DARS1: variants seen among roughly 807,000 people sequenced by gnomAD.
DARS1 encodes aspartyl-tRNA synthetase 1.
Under a neutral mutation model 68.8 loss-of-function variants are expected in DARS1, and 51 were observed. The observed-to-expected ratio is 0.74, with a 90% CI of 0.59 to 0.94. The LOEUF is 0.94. DARS1 is among the 40% of genes least tolerant of loss of function. DARS1 has a pLI of 0.00. For synonymous variants in DARS1, 203 were observed against 190.4 expected (o/e 1.07, Z -0.55); for missense variants, 607 against 597.3 (o/e 1.02, Z -0.17).
At position 135,985,495 on chromosome 2, in the gene DARS1, C is replaced by A; in HGVS notation, c.-27G>T. 2 of 1,614,006 alleles carry A rather than the reference C, an allele frequency of 1.2e-6. No homozygotes were observed. The highest frequency in any genetic ancestry group is 1.7e-6 in the Non-Finnish European group (2 of 1,179,952). On this transcript the variant is annotated 5_prime_UTR_variant, in exon 1 of 16. Coordinates refer to ENST00000264161, the MANE Select transcript of DARS1 (RefSeq NM_001349.4). ...GGGACACGGAACTGGGCAGTGGACA[C>A]CACCCTCCCTCGCAGGCTTCCGTAA...
intron 5 of DARS1, among the ~76,000 whole-genome samples, chr2:135,939,925 C>A (rs566133496): frequency 5.9e-5 from 9 of 152,250 alleles, no homozygotes; most frequent in Admixed American, 3.3e-4. Flanking sequence ...GGATAAATTC[C>A]TGGACACATA....
chr2:135,968,219 A>G (rs1004062726), intron 3 of DARS1, among the ~76,000 whole-genome samples: 1 of 152,164 alleles, frequency 6.6e-6, no homozygotes, highest in East Asian at 1.9e-4. Flanking sequence ...AGTTGAGATC[A>G]TATCACTGCA....
intron 3 of DARS1, among the ~76,000 whole-genome samples, chr2:135,972,255 G>A (rs1682387389): frequency 6.6e-6 from 1 of 152,082 alleles, no homozygotes; most frequent in South Asian, 2.1e-4. Flanking sequence ...TGGAACAGAA[G>A]AGAGAATCCA....
intron 3 of DARS1, among the ~76,000 whole-genome samples, chr2:135,977,246 A>G (rs1682521368): frequency 1.3e-5 from 2 of 152,262 alleles, no homozygotes; most frequent in African/African-American, 2.4e-5. Flanking sequence ...TACTTGTTTT[A>G]AGAGAAGACA....
intron 4 of DARS1, among the ~76,000 whole-genome samples, chr2:135,946,458 C>CA (rs1162050353): frequency 1.3e-5 from 2 of 152,106 alleles, no homozygotes; most frequent in Admixed American, 1.3e-4. Context: ...TGGAAAAACT[C>CA]AAATTCATTC....
chr2:135,953,617 A>C (rs1338092040), intron 4 of DARS1, among the ~76,000 whole-genome samples: 1 of 152,202 alleles, frequency 6.6e-6, no homozygotes, highest in African/African-American at 2.4e-5. Flanking sequence ...TTTAACTATC[A>C]AAATTTTTCT....
intron 3 of DARS1, among the ~76,000 whole-genome samples, chr2:135,965,345 G>T (rs1682199938): frequency 6.6e-6 from 1 of 151,962 alleles, no homozygotes. Context: ...AATACATAAG[G>T]ATCTTAAAGA....
chr2:135,984,015 C>A (rs552888706), intron 1 of DARS1, among the ~76,000 whole-genome samples: 47 of 152,090 alleles, frequency 3.1e-4, no homozygotes, highest in Non-Finnish European at 5.7e-4. Context: ...TTCTAAAAAC[C>A]AGATTCAGGA....
chr2:135,961,604 C>T (rs1381087724), intron 3 of DARS1, 106 bp from the exon 4 acceptor site: 1 of 714,486 alleles, frequency 1.4e-6, no homozygotes, highest in African/African-American at 1.8e-5. Flanking sequence ...ATTTACTATA[C>T]TCATCAGGCA....
chr2:135,929,444 A>C (rs1681295152), intron 7 of DARS1, among the ~76,000 whole-genome samples: 1 of 152,210 alleles, frequency 6.6e-6, no homozygotes, highest in Admixed American at 6.5e-5. Context: ...TTTAAAACTT[A>C]ACTAACTCTA....
chr2:135,925,924 A>G (rs984315764), intron 7 of DARS1, among the ~76,000 whole-genome samples: 6 of 152,184 alleles, frequency 3.9e-5, no homozygotes, highest in Non-Finnish European at 8.8e-5. Flanking sequence ...AATACATTTT[A>G]TTGCCGCTTG....
At chr2:135,922,684 CT>C in intron 9 of DARS1, 99 bp downstream of exon 9, 1 of 1,325,808 alleles carries the variant, frequency 7.5e-7, no homozygotes, top group Non-Finnish European at 9.6e-7. Flanking sequence ...ATAATTTAAG[CT>C]TTCAAAGTGT....
intron 2 of DARS1, 108 bp from the exon 3 acceptor site, chr2:135,979,474 C>T: frequency 1.5e-6 from 1 of 655,324 alleles, no homozygotes; most frequent in Non-Finnish European, 2.7e-6. Flanking sequence ...TTGGAACCAT[C>T]CTGAATAATT....
intron 11 of DARS1, among the ~76,000 whole-genome samples, chr2:135,915,940 T>C (rs926100708): frequency 6.6e-6 from 1 of 152,156 alleles, no homozygotes; most frequent in African/African-American, 2.4e-5. Flanking sequence ...CAAACTATAG[T>C]AAACACTTTT....
chr2:135,954,263 C>T (rs1681911046), intron 4 of DARS1, among the ~76,000 whole-genome samples: 2 of 138,568 alleles, frequency 1.4e-5, no homozygotes, highest in Non-Finnish European at 3.0e-5. Flanking sequence ...AGTCAAGACA[C>T]TTAATATTTC....
intron 3 of DARS1, among the ~76,000 whole-genome samples, chr2:135,968,269 A>AC (rs1682282829): frequency 1.3e-5 from 2 of 152,226 alleles, no homozygotes; most frequent in Admixed American, 1.3e-4. Context: ...GTTTCAAAAA[A>AC]TAAATAAAGA....
intron 4 of DARS1, among the ~76,000 whole-genome samples, chr2:135,953,122 C>T (rs1681880376): frequency 6.6e-6 from 1 of 152,032 alleles, no homozygotes. Flanking sequence ...TTTAGGAATG[C>T]GTATGTCACA....
chr2:135,954,507 ACCTGTTATTTCC>A (rs1481308157), intron 4 of DARS1, among the ~76,000 whole-genome samples: 1 of 152,082 alleles, frequency 6.6e-6, no homozygotes, highest in African/African-American at 2.4e-5. Context: ...TTATAAGGGA[ACCTGTTATTTCC>A]CCTGTACATC....
chr2:135,909,807 G>C (rs925568486), intron 15 of DARS1, among the ~76,000 whole-genome samples: 2 of 152,084 alleles, frequency 1.3e-5, no homozygotes, highest in African/African-American at 4.8e-5. Flanking sequence ...AAATAGGTTT[G>C]AGTATTCCTA....
Sources: gnomAD v4.1 joint callset for allele counts (sites outside exome capture counted in the v4.1 genomes callset) on GRCh38, gnomAD v4.1.1 for gene constraint, MANE v1.5 for transcripts, NCBI Gene and HGNC (gene_info 2026-07-23, HGNC 2026-07-21) for gene names.